Variants in GRM7 observed in about 807,000 individuals in gnomAD.
GRM7 encodes metabotropic glutamate receptor 7.
A neutral mutation model predicts 84.5 loss-of-function variants in GRM7; 35 were observed. That is an observed-to-expected ratio of 0.41 (90% confidence interval 0.32 to 0.55). The LOEUF is 0.55. Among genes scored for constraint, GRM7 ranks in the 20% least tolerant of loss-of-function variants. The pLI, the probability that GRM7 is intolerant of heterozygous loss-of-function variation, is 0.19. For missense variants in GRM7, 1,003 were observed against 1,194.6 expected, an observed-to-expected ratio of 0.84 and a Z score of 2.36; for synonymous variants, 487 against 455.1, an observed-to-expected ratio of 1.07 and a Z score of -0.89.
intron 2 of GRM7, among the ~76,000 whole-genome samples, chr3:7,156,678 A>C (rs1366370177): frequency 6.6e-6 from 1 of 152,194 alleles, no homozygotes; most frequent in Non-Finnish European, 1.5e-5. Flanking sequence ...TGTAAACTGC[A>C]TGGATTAGTT....
chr3:7,597,478 T>C (rs1197263501), intron 8 of GRM7, among the ~76,000 whole-genome samples: 1 of 152,180 alleles, frequency 6.6e-6, no homozygotes, highest in Non-Finnish European at 1.5e-5. Flanking sequence ...AAACCGGCTA[T>C]AAATTGCCCA....
At chr3:7,246,813 A>G (rs1697778051) in intron 2 of GRM7, among the ~76,000 whole-genome samples, 1 of 152,154 alleles carries the variant, frequency 6.6e-6, no homozygotes, top group Admixed American at 6.6e-5. Context: ...CTGATTCTGA[A>G]ATGTATATGG....
intron 8 of GRM7, among the ~76,000 whole-genome samples, chr3:7,651,906 G>A (rs998519543): frequency 2.0e-5 from 3 of 152,176 alleles, no homozygotes; most frequent in Non-Finnish European, 4.4e-5. Context: ...CACACATACA[G>A]CTCAAGCTCT....
intron 8 of GRM7, among the ~76,000 whole-genome samples, chr3:7,645,439 C>T (rs565205025): frequency 7.4e-5 from 11 of 149,356 alleles, no homozygotes; most frequent in East Asian, 4.0e-4. Flanking sequence ...CCCAGCTACT[C>T]GGGAGGCTAA....
rs1697510232 is a variant in GRM7, at chr3:7,063,594, A to G, written c.520-82858A>G. Among the ~76,000 whole-genome samples the G allele has an allele frequency of 2.6e-5, 4 of 151,772 alleles. No individual in the cohort carries two copies. In the South Asian group the frequency reaches 8.3e-4, roughly 31 times the overall value. ...ATGAAAATCTATAAGCTCTCAGATA[A>G]TTACTTTCTTTTACATGAAATAATT... On this transcript the variant is annotated intron_variant, in intron 1 of 9. Transcript: ENST00000357716.
chr3:7,669,983 G>A (rs751087059), intron 8 of GRM7, among the ~76,000 whole-genome samples: 15 of 147,306 alleles, frequency 1.0e-4, no homozygotes, highest in Non-Finnish European at 1.6e-4. Context: ...GCAGAGGGGC[G>A]TAATGAGGGG....
intron 4 of GRM7, among the ~76,000 whole-genome samples, chr3:7,378,410 T>A (rs774461000): frequency 6.6e-6 from 1 of 152,216 alleles, no homozygotes. Flanking sequence ...TATGAAGTAA[T>A]ATTTTTCTAC....
chr3:7,198,125 A>G (rs1005073633), intron 2 of GRM7, among the ~76,000 whole-genome samples: 1 of 150,560 alleles, frequency 6.6e-6, no homozygotes, highest in Non-Finnish European at 1.5e-5. Context: ...AAAGAAGATT[A>G]ATGAAGTTAA....
intron 8 of GRM7, among the ~76,000 whole-genome samples, chr3:7,675,843 CT>C (rs1371180245): frequency 6.6e-6 from 1 of 152,176 alleles, no homozygotes; most frequent in Non-Finnish European, 1.5e-5. Context: ...TTCCTGGGTA[CT>C]TATTTTCCAG....
intron 1 of GRM7, among the ~76,000 whole-genome samples, chr3:7,059,541 A>C (rs1697358282): frequency 6.6e-6 from 1 of 151,804 alleles, no homozygotes; most frequent in Admixed American, 6.6e-5. Context: ...ATTGCTAGAG[A>C]TCTTGAAAGG....
intron 4 of GRM7, among the ~76,000 whole-genome samples, chr3:7,385,402 G>C (rs770529993): frequency 5.0e-5 from 7 of 140,924 alleles, no homozygotes; most frequent in Non-Finnish European, 1.1e-4. Flanking sequence ...CTCGGTTCAC[G>C]CCATTCTCCT....
intron 8 of GRM7, among the ~76,000 whole-genome samples, chr3:7,590,296 C>G (rs192837998): frequency 2.0e-5 from 3 of 152,214 alleles, no homozygotes; most frequent in Admixed American, 2.0e-4. Context: ...TTCTTAGAGC[C>G]CAGGAGGTTT....
At chr3:7,184,917 G>T (rs532906986) in intron 2 of GRM7, among the ~76,000 whole-genome samples, 89 of 152,200 alleles carry the variant, frequency 5.8e-4, no homozygotes, top group Admixed American at 1.1e-3. Context: ...AGAAGAAAAA[G>T]AAAATATTAA....
At chr3:7,273,033 A>G (rs1032836282) in intron 2 of GRM7, among the ~76,000 whole-genome samples, 3 of 151,950 alleles carry the variant, frequency 2.0e-5, no homozygotes, top group Admixed American at 6.6e-5. Context: ...ACAAAATTTG[A>G]TAAGTTGTGT....
chr3:7,061,485 C>A (rs149562299), intron 1 of GRM7, among the ~76,000 whole-genome samples: 1 of 151,788 alleles, frequency 6.6e-6, no homozygotes, highest in East Asian at 2.0e-4. Flanking sequence ...GGTGTTCAAA[C>A]CCGGAGTTGA....
intron 4 of GRM7, among the ~76,000 whole-genome samples, chr3:7,339,373 G>C (rs1649423486): frequency 2.0e-5 from 3 of 152,096 alleles, no homozygotes; most frequent in Non-Finnish European, 2.9e-5. Flanking sequence ...AATACACCCT[G>C]TTGCCAAGTA....
At chr3:7,516,912 T>C (rs1296783066) in intron 7 of GRM7, among the ~76,000 whole-genome samples, 1 of 152,204 alleles carries the variant, frequency 6.6e-6, no homozygotes, top group Non-Finnish European at 1.5e-5. Context: ...CTGGTGGTAT[T>C]TTTATAAATG....
At chr3:7,717,373 T>TA (rs572510827) in intron 9 of GRM7, among the ~76,000 whole-genome samples, 2,210 of 150,408 alleles carry the variant, frequency 0.015, 52 homozygotes, top group African/African-American at 0.051. Context: ...CAGGTTGATT[T>TA]AAAAAAAAAA....
At chr3:7,398,517 A>C (rs1378425274) in intron 4 of GRM7, among the ~76,000 whole-genome samples, 1 of 152,132 alleles carries the variant, frequency 6.6e-6, no homozygotes, top group African/African-American at 2.4e-5. Context: ...CTTGTACTAG[A>C]TACACATATA....
Sources: allele counts gnomAD v4.1 joint callset (sites outside exome capture counted in the v4.1 genomes callset), GRCh38; gene constraint gnomAD v4.1.1; transcripts MANE v1.5; gene names NCBI Gene and HGNC (gene_info 2026-07-23, HGNC 2026-07-21).